Variants in MID1 observed in about 807,000 individuals in gnomAD.
MID1 encodes the protein E3 ubiquitin-protein ligase Midline-1.
In MID1, 7 loss-of-function variants were observed where a neutral mutation model predicts 40.4. The observed-to-expected ratio is 0.17, with a 90% confidence interval of 0.10 to 0.33. The LOEUF (loss-of-function observed/expected upper bound fraction) is 0.33, where lower values mean the gene tolerates loss of function less well. Among genes scored for constraint, MID1 ranks in the 10% least tolerant of loss-of-function variants. The pLI is 1.00. For synonymous variants in MID1, 229 were observed against 221.2 expected, an observed-to-expected ratio of 1.04 and a Z score of -0.31; for missense variants, 367 against 558.5, an observed-to-expected ratio of 0.66 and a Z score of 3.46.
At chrX:10,533,425 A>AAGAC (rs1933106018) in intron 2 of MID1, among the ~76,000 whole-genome samples, 2 of 105,445 alleles carry the variant, frequency 1.9e-5, no homozygotes, top group Non-Finnish European at 3.9e-5. Flanking sequence ...GAAAGAAAGA[A>AAGAC]AGAAAGAAAG....
chrX:10,510,830 CAAAAAAA>C (rs1185825614), intron 3 of MID1, among the ~76,000 whole-genome samples: 1,443 of 23,864 alleles, frequency 0.06, 43 homozygotes, highest in African/African-American at 0.21. Flanking sequence ...GACTCTGTCT[CAAAAAAA>C]AAAAAAAAAA....
At position 10,446,437 on chromosome X, in the gene MID1, C is replaced by T. The variant is rs1010025173; in HGVS notation, c.*2931G>A. On this transcript the variant is annotated 3_prime_UTR_variant, in exon 10 of 10. Coordinates refer to ENST00000317552, the MANE Select transcript of MID1 (RefSeq NM_000381.4). ...TGTCTGTATTCAAGCTGTTTCTTTT[C>T]CTCCAGCAGAAACCATCGTCAATAT... 8.9e-5 allele frequency: 10 copies of T among 111,964 alleles called. No homozygotes were observed. Among genetic ancestry groups the T allele is most frequent in the African/African-American group, 3.2e-4 (10 of 30,783 alleles). The allele number at this position is 111,964 out of a possible 1,213,427, so 9.2% of individuals were successfully genotyped here.
At chrX:10,794,124 T>C (rs992385217) in intron 1 of MID1, among the ~76,000 whole-genome samples, 3 of 112,166 alleles carry the variant, frequency 2.7e-5, no homozygotes, top group African/African-American at 9.7e-5. Flanking sequence ...CTGATGAAAC[T>C]TGGCAAAGGT....
chrX:10,799,033 C>G (rs1479242008), intron 1 of MID1, among the ~76,000 whole-genome samples: 1 of 110,863 alleles, frequency 9.0e-6, no homozygotes, highest in African/African-American at 3.3e-5. Context: ...CTTATTATGT[C>G]TAGTTCTTAT....
chrX:10,693,163 A>G (rs1191019798), intron 1 of MID1, among the ~76,000 whole-genome samples: 1 of 108,442 alleles, frequency 9.2e-6, no homozygotes, highest in Admixed American at 1.0e-4. Context: ...TAAACACAAT[A>G]TATACTCTAA....
chrX:10,635,227 C>T (rs1298803215), intron 1 of MID1, among the ~76,000 whole-genome samples: 4 of 112,158 alleles, frequency 3.6e-5, no homozygotes, highest in Admixed American at 9.4e-5. Context: ...CTCCAGTTGA[C>T]ATACTGTAGC....
At chrX:10,567,971 A>C (rs940363917) in intron 1 of MID1, among the ~76,000 whole-genome samples, 3 of 112,276 alleles carry the variant, frequency 2.7e-5, no homozygotes, top group African/African-American at 9.7e-5. Context: ...ACAGAAAATT[A>C]AAATGTAGAA....
intron 1 of MID1, among the ~76,000 whole-genome samples, chrX:10,635,593 T>C (rs972420163): frequency 1.8e-5 from 2 of 111,575 alleles, no homozygotes; most frequent in Non-Finnish European, 3.8e-5. Flanking sequence ...TTATACCTTT[T>C]CCAATCAGAC....
At chrX:10,731,829 G>T (rs955231831) in intron 1 of MID1, among the ~76,000 whole-genome samples, 1 of 108,633 alleles carries the variant, frequency 9.2e-6, no homozygotes, top group Non-Finnish European at 1.9e-5. Context: ...GCTTGGTGGC[G>T]CATGCCTGTA....
intron 1 of MID1, among the ~76,000 whole-genome samples, chrX:10,655,818 A>T (rs2042867071): frequency 9.0e-6 from 1 of 110,617 alleles, no homozygotes; most frequent in African/African-American, 3.3e-5. Context: ...TGGAGCAGCG[A>T]TTGATCATGT....
intron 1 of MID1, among the ~76,000 whole-genome samples, chrX:10,648,448 C>G (rs994120375): frequency 1.8e-5 from 2 of 112,002 alleles, no homozygotes; most frequent in Non-Finnish European, 3.8e-5. Flanking sequence ...AACGCATTCA[C>G]AGGCCAAACA....
In MID1 at chrX:10,533,391, A is replaced by AAAAGAAAGAAAG. The variant is rs748385663; in HGVS notation, c.661-10216_661-10205dup. 7.2e-3 allele frequency among the ~76,000 whole-genome samples: 398 copies of AAAAGAAAGAAAG among 55,053 alleles called. 3 individuals are homozygous for AAAAGAAAGAAAG. The highest frequency in any genetic ancestry group is 0.014 in the African/African-American group (176 of 12,818). 47.8% of individuals were successfully genotyped at this position (55,053 alleles called of 115,157 possible). On this transcript the variant is annotated intron_variant, in intron 2 of 9. Transcript: ENST00000317552. Reference sequence around the variant, plus strand: ...AAGAAAGAAAGAAAAAGAAAGAAAGAAAAGAAAGAAAGAAAGAAAGAAAGA... The same window carrying AAAAGAAAGAAAG: ...AAGAAAGAAAGAAAAAGAAAGAAAGAAAAGAAAGAAAGAAAGAAAGAAAGAAAGAAAGAAAGA...
intron 5 of MID1, among the ~76,000 whole-genome samples, chrX:10,478,413 C>T (rs1033981962): frequency 1.8e-5 from 2 of 111,766 alleles, no homozygotes; most frequent in African/African-American, 6.5e-5. Flanking sequence ...CATTTTATCC[C>T]CACAATAACC....
chrX:10,652,646 C>T (rs1162163452), intron 1 of MID1, among the ~76,000 whole-genome samples: 3 of 111,614 alleles, frequency 2.7e-5, no homozygotes, highest in Non-Finnish European at 5.6e-5. Flanking sequence ...GCTCCCAAAG[C>T]TCTAAGAGGC....
At chrX:10,598,321 T>C (rs756875475) in intron 1 of MID1, among the ~76,000 whole-genome samples, 1 of 112,201 alleles carries the variant, frequency 8.9e-6, no homozygotes, top group African/African-American at 3.2e-5. Flanking sequence ...GCTGCTGTTA[T>C]TACAGGTCAC....
intron 1 of MID1, among the ~76,000 whole-genome samples, chrX:10,650,209 G>C (rs1936302556): frequency 9.0e-6 from 1 of 111,258 alleles, no homozygotes; most frequent in African/African-American, 3.3e-5. Context: ...TGGAGCACAA[G>C]GAACTTCCCC....
chrX:10,670,999 A>C (rs371323493), intron 1 of MID1, among the ~76,000 whole-genome samples: 1 of 111,986 alleles, frequency 8.9e-6, no homozygotes, highest in East Asian at 2.8e-4. Flanking sequence ...CAGGGAAATA[A>C]GAACTTTCTC....
intron 1 of MID1, among the ~76,000 whole-genome samples, chrX:10,775,036 T>C (rs1418473294): frequency 3.7e-5 from 4 of 108,225 alleles, no homozygotes; most frequent in Non-Finnish European, 7.6e-5. Context: ...AGTGGGTTTT[T>C]TGGAGATCCT....
chrX:10,621,351 CT>C (rs1935931397), upstream of MID1, among the ~76,000 whole-genome samples: 1 of 111,796 alleles, frequency 8.9e-6, no homozygotes. Context: ...AAGTAGTTGG[CT>C]TCTTAGAAAC....
Sources: allele counts gnomAD v4.1 joint callset (sites outside exome capture counted in the v4.1 genomes callset), GRCh38; gene constraint gnomAD v4.1.1; transcripts MANE v1.5; gene names NCBI Gene and HGNC (gene_info 2026-07-23, HGNC 2026-07-21).